ANKRD30B: variants seen among roughly 807,000 people sequenced by gnomAD.
ANKRD30B encodes the protein ankyrin repeat domain 30B, also known as ankyrin repeat domain-containing protein 30B.
A neutral mutation model predicts 202.2 loss-of-function variants in ANKRD30B; 144 were observed. That is an observed-to-expected ratio of 0.71 (90% CI 0.62 to 0.82). The LOEUF (loss-of-function observed/expected upper bound fraction) is 0.82, where lower values mean the gene tolerates loss of function less well. Ranked by LOEUF, ANKRD30B falls within the 40% of genes least tolerant of loss-of-function variation. The pLI is 0.00. For missense variants in ANKRD30B, 1,487 were observed against 1,669.1 expected (o/e 0.89, Z 1.90); for synonymous variants, 508 against 561.3 (o/e 0.91, Z 1.34).
At chr18:14,828,721 T>C (rs1037795798) in intron 33 of ANKRD30B, among the ~76,000 whole-genome samples, 3 of 152,226 alleles carry the variant, frequency 2.0e-5, no homozygotes, top group Admixed American at 2.0e-4. Context: ...TTTAGAGATT[T>C]CCCATAGAAC....
chr18:14,937,009 A>G, the ANKRD30B span, among the ~76,000 whole-genome samples: 1 of 152,144 alleles, frequency 6.6e-6, no homozygotes, highest in Non-Finnish European at 1.5e-5. Context: ...GTCCCCCATT[A>G]TGAGACTGAA....
chr18:14,862,728 C>A, the ANKRD30B span, among the ~76,000 whole-genome samples: 1 of 152,208 alleles, frequency 6.6e-6, no homozygotes, highest in Non-Finnish European at 1.5e-5. Context: ...CCTAGAAATA[C>A]CACAGGCACT....
chr18:14,790,961 G>A (rs1008301547), intron 15 of ANKRD30B, among the ~76,000 whole-genome samples: 14 of 152,144 alleles, frequency 9.2e-5, no homozygotes, highest in African/African-American at 3.4e-4. Context: ...GTTTCAGAAC[G>A]AATGGTACCA....
At chr18:14,885,775 A>C in the ANKRD30B span, among the ~76,000 whole-genome samples, 2 of 151,884 alleles carry the variant, frequency 1.3e-5, no homozygotes, top group Admixed American at 1.3e-4. Flanking sequence ...AACTTATACT[A>C]TGGTTTTTAT....
In ANKRD30B at chr18:14,803,789, A is replaced by T. The variant is rs759106427; in HGVS notation, c.2249A>T (p.Gln750Leu). ...GTGTGTTTACCCAAGGCTACACATC[A>T]AAAAGAATTCGATACCTTAAGTGGA... ...NDVCLPKATH[Q>L]KEFDTLSGKL... Residue 750 changes from glutamine to leucine, a missense_variant, in exon 24 of 44, where the codon CAA becomes CTA. Gln to Leu is a moderately radical substitution (Grantham distance 113). Coordinates refer to ENST00000690538, the MANE Select transcript of ANKRD30B (RefSeq NM_001367607.2). 2.5e-6 allele frequency: 4 copies of T among 1,604,038 alleles called. No homozygotes were observed. In the African/African-American group the frequency reaches 4.1e-5, roughly 16 times the overall value.
rs3126404 is a variant in ANKRD30B, at chr18:14,850,376, G to A, written c.3558G>A (p.Leu1186=). 795,892 of 1,530,020 alleles carry A rather than the reference G, an allele frequency of 0.52. 208,465 individuals carry two copies. The highest frequency in any genetic ancestry group is 0.55 in the African/African-American group (38,748 of 70,240). 94.8% of individuals were successfully genotyped at this position (1,530,020 alleles called of 1,614,324 possible). ...AATTGAAAAGTGTAACAAGTAATTT[G>A]AATCAGGTAAATCAATCTCTGGCAA... The part of the protein sequence containing the change: ...DIELKSVTSN[L]NQVSHTHESE... The change falls in exon 41 of 44, where the codon TTG becomes TTA. Residue 1186 remains leucine (L), a synonymous_variant. Transcript: ENST00000690538.
chr18:14,806,222 A>G (rs1969504467), intron 24 of ANKRD30B, among the ~76,000 whole-genome samples: 1 of 102,034 alleles, frequency 9.8e-6, no homozygotes, highest in African/African-American at 3.8e-5. Flanking sequence ...ACCGCCAAAA[A>G]AAAAAAAGAA....
chr18:14,910,463 C>CAT, the ANKRD30B span, among the ~76,000 whole-genome samples: 2 of 149,820 alleles, frequency 1.3e-5, no homozygotes, highest in Non-Finnish European at 3.0e-5. Context: ...ATGTGTGATA[C>CAT]ATATATATAC....
chr18:14,799,267 A>G lies in ANKRD30B; in HGVS notation c.2103A>G (p.Glu701=). The part of the protein sequence containing the change: ...RKVSLPNKAL[E]LKDRETFKAA... ...TTTCTCTTCCAAATAAAGCTTTAGA[A>G]TTGAAGGACAGAGAAACATTCAAAG... The change falls in exon 22 of 44, where the codon GAA becomes GAG. Residue 701 remains glutamate, a synonymous_variant. Transcript: ENST00000690538. 1 of 1,548,586 alleles carries G rather than the reference A, an allele frequency of 6.5e-7. No individual in the cohort carries two copies. Among genetic ancestry groups the G allele is most frequent in the South Asian group, 1.2e-5 (1 of 83,046 alleles).
In ANKRD30B at chr18:14,822,477, T is replaced by C; in HGVS notation, c.2642-6T>C. 7.2e-7 allele frequency: 1 copy of C among 1,395,672 alleles called. No individual in the cohort carries two copies. The highest frequency in any genetic ancestry group is 2.5e-5 in the East Asian group (1 of 40,386). The allele number at this position is 1,395,672 out of a possible 1,614,324, so 86.5% of individuals were successfully genotyped here. On this transcript the variant is annotated splice_polypyrimidine_tract_variant and splice_region_variant and intron_variant, in intron 30 of 43. Transcript: ENST00000690538. ...TAATCAATTATATATGTCCCTTTTC[T>C]TTTAGAGTCTCCTGATAAAGATGGT...
chr18:14,751,423 C>T (rs1160210253), intron 1 of ANKRD30B, among the ~76,000 whole-genome samples: 1 of 151,986 alleles, frequency 6.6e-6, no homozygotes, highest in African/African-American at 2.4e-5. Context: ...CCTGCTCAGC[C>T]TGAGCAAAGT....
At chr18:14,936,153 T>A in the ANKRD30B span, among the ~76,000 whole-genome samples, 1 of 152,130 alleles carries the variant, frequency 6.6e-6, no homozygotes, top group African/African-American at 2.4e-5. Context: ...CCTTTCCTTC[T>A]CCTGGGCCCA....
chr18:14,770,817 TAA>T (rs549612643), intron 8 of ANKRD30B, among the ~76,000 whole-genome samples: 1 of 139,706 alleles, frequency 7.2e-6, no homozygotes. Context: ...TATTGAAAGA[TAA>T]AAAAAAAAAG....
At chr18:14,837,498 T>G (rs1318273910) in intron 35 of ANKRD30B, 117 bp from the exon 36 acceptor site, 3 of 962,640 alleles carry the variant, frequency 3.1e-6, no homozygotes, top group Admixed American at 3.2e-5. Context: ...TGAAATTCTA[T>G]TTTTGCTATT....
At chr18:14,819,898 A>T (rs572981308) in intron 30 of ANKRD30B, among the ~76,000 whole-genome samples, 1 of 152,148 alleles carries the variant, frequency 6.6e-6, no homozygotes, top group Non-Finnish European at 1.5e-5. Context: ...AATTCTGTGA[A>T]GAAAGTCATT....
the ANKRD30B span, among the ~76,000 whole-genome samples, chr18:14,904,820 T>A: frequency 5.9e-5 from 9 of 152,190 alleles, 1 homozygote; most frequent in Non-Finnish European, 7.3e-5. Flanking sequence ...AATCAATACA[T>A]GTGTCAGAGG....
At chr18:14,940,653 G>A in the ANKRD30B span, among the ~76,000 whole-genome samples, 1 of 152,262 alleles carries the variant, frequency 6.6e-6, no homozygotes, top group Non-Finnish European at 1.5e-5. Flanking sequence ...TGATAAAGAA[G>A]GAAAGTCCCT....
chr18:14,791,476 A>G lies in ANKRD30B; in HGVS notation c.1810A>G (p.Ser604Gly). Residue 604 changes from serine (S) to glycine (G), a missense_variant, in exon 16 of 44, where the codon AGT becomes GGT. Around this residue, in one of 6 missense-constraint regions of ANKRD30B, gnomAD observed 889 missense variants for 841.4 expected, o/e 1.06. Coordinates refer to ENST00000690538, the MANE Select transcript of ANKRD30B (RefSeq NM_001367607.2). ...ACATCAAAAAGAATTCGATACCTTA[A>G]GTGGAAAATTAGAAGGTAAGAACCA... is the stretch of plus-strand genomic sequence containing the variant. ...ATHQKEFDTL[S>G]GKLEESPVKD... The G allele has an allele frequency of 6.2e-7, 1 of 1,609,074 alleles. No individual in the cohort carries two copies. Among genetic ancestry groups the G allele is most frequent in the South Asian group, 1.1e-5 (1 of 90,148 alleles).
At chr18:14,860,404 C>T in the ANKRD30B span, among the ~76,000 whole-genome samples, 16 of 125,924 alleles carry the variant, frequency 1.3e-4, no homozygotes, top group South Asian at 2.8e-4. Context: ...GGCAGAGGCG[C>T]TCCTCACCTC....
Sources: gnomAD v4.1 joint callset for allele counts (sites outside exome capture counted in the v4.1 genomes callset) on GRCh38, gnomAD v4.1.1 for gene constraint, gnomAD v4.1.1 regional missense constraint, MANE v1.5 for transcripts, NCBI Gene and HGNC (gene_info 2026-07-23, HGNC 2026-07-21) for gene names.